NFIL3: variants seen among roughly 807,000 people sequenced by gnomAD.
The protein encoded by NFIL3 is nuclear factor interleukin-3-regulated protein.
Under a neutral mutation model 10.0 loss-of-function variants are expected in NFIL3, and 5 were observed. The observed-to-expected ratio is 0.50, with a 90% CI of 0.26 to 1.06. The LOEUF is 1.06. Among genes scored for constraint, NFIL3 ranks in the 50% least tolerant of loss-of-function variants. The pLI, the probability that NFIL3 is intolerant of heterozygous loss-of-function variation, is 0.13. For synonymous variants in NFIL3, 202 were observed against 206.5 expected, an observed-to-expected ratio of 0.98 and a Z score of 0.19; for missense variants, 436 against 547.6, an observed-to-expected ratio of 0.80 and a Z score of 2.03.
chr9:91,429,543 A>T, the NFIL3 span, among the ~76,000 whole-genome samples: 1 of 152,086 alleles, frequency 6.6e-6, no homozygotes, highest in African/African-American at 2.4e-5. Context: ...CACTCCAGAG[A>T]CAAAAGTTGT....
chr9:91,412,438 A>G (rs1833571347), intron 1 of NFIL3, among the ~76,000 whole-genome samples: 2 of 152,150 alleles, frequency 1.3e-5, no homozygotes, highest in Non-Finnish European at 2.9e-5. Flanking sequence ...GTTTCTAGAC[A>G]CTGATTCTCT....
the NFIL3 span, among the ~76,000 whole-genome samples, chr9:91,479,786 G>A: frequency 6.6e-6 from 1 of 152,246 alleles, no homozygotes; most frequent in Non-Finnish European, 1.5e-5. Flanking sequence ...AGTGGCGTAG[G>A]CACCCAAGGG....
intron 1 of NFIL3, among the ~76,000 whole-genome samples, chr9:91,419,869 AG>A (rs1448575286): frequency 1.3e-5 from 2 of 152,220 alleles, no homozygotes; most frequent in Non-Finnish European, 2.9e-5. Flanking sequence ...TTTGGTCAAA[AG>A]GGTCAAATAT....
chr9:91,415,153 C>T (rs548434792), intron 1 of NFIL3, among the ~76,000 whole-genome samples: 2 of 152,166 alleles, frequency 1.3e-5, no homozygotes, highest in Admixed American at 6.5e-5. Context: ...CGAGACCAGG[C>T]GCTCAGTCGT....
At chr9:91,453,947 A>G in the NFIL3 span, among the ~76,000 whole-genome samples, 1 of 152,004 alleles carries the variant, frequency 6.6e-6, no homozygotes, top group South Asian at 2.1e-4. Context: ...GAACATCACA[A>G]CTAAGGTCAG....
the NFIL3 span, among the ~76,000 whole-genome samples, chr9:91,466,988 A>G: frequency 6.6e-6 from 1 of 152,154 alleles, no homozygotes; most frequent in African/African-American, 2.4e-5. Context: ...AAAAAGAATG[A>G]TTCCCCCAAT....
upstream of NFIL3, among the ~76,000 whole-genome samples, chr9:91,424,967 C>T (rs1006130148): frequency 6.6e-6 from 1 of 152,228 alleles, no homozygotes; most frequent in African/African-American, 2.4e-5. Flanking sequence ...AGTCGTCGCG[C>T]TAGACTGTCA....
the NFIL3 span, among the ~76,000 whole-genome samples, chr9:91,441,444 A>AT: frequency 6.6e-6 from 1 of 152,008 alleles, no homozygotes. Flanking sequence ...GTTGGATCTT[A>AT]TTTTTTTAAT....
the NFIL3 span, among the ~76,000 whole-genome samples, chr9:91,434,507 CA>C: frequency 6.6e-6 from 1 of 151,762 alleles, no homozygotes; most frequent in South Asian, 2.1e-4. Flanking sequence ...AGTACAAAAC[CA>C]AAATATGGGA....
At chr9:91,440,684 A>G in the NFIL3 span, among the ~76,000 whole-genome samples, 1 of 152,012 alleles carries the variant, frequency 6.6e-6, no homozygotes, top group Non-Finnish European at 1.5e-5. Context: ...TGCATCCCAT[A>G]GGTTTTAGTA....
chr9:91,460,690 G>A, the NFIL3 span, among the ~76,000 whole-genome samples: 1 of 152,090 alleles, frequency 6.6e-6, no homozygotes, highest in Non-Finnish European at 1.5e-5. Flanking sequence ...GTTTTCCCTG[G>A]GGGAGTTCTG....
chr9:91,437,800 C>A, the NFIL3 span, among the ~76,000 whole-genome samples: 1 of 152,236 alleles, frequency 6.6e-6, no homozygotes, highest in Non-Finnish European at 1.5e-5. Context: ...TTAGCACAAA[C>A]TTCCAGGTTT....
At chr9:91,480,954 G>A in the NFIL3 span, among the ~76,000 whole-genome samples, 21 of 152,304 alleles carry the variant, frequency 1.4e-4, 1 homozygote, top group East Asian at 3.9e-4. Context: ...AGGGAAGGGC[G>A]CGCAGAGGGT....
At chr9:91,452,245 T>A in the NFIL3 span, among the ~76,000 whole-genome samples, 1 of 152,232 alleles carries the variant, frequency 6.6e-6, no homozygotes, top group Non-Finnish European at 1.5e-5. Flanking sequence ...GGAAGCTTCA[T>A]CTGCATAATA....
At chr9:91,454,250 AG>A in the NFIL3 span, among the ~76,000 whole-genome samples, 2 of 151,270 alleles carry the variant, frequency 1.3e-5, no homozygotes, top group African/African-American at 4.9e-5. Flanking sequence ...AAAAAAAAAA[AG>A]AATATCACAA....
the NFIL3 span, among the ~76,000 whole-genome samples, chr9:91,442,555 G>A: frequency 6.6e-6 from 1 of 152,182 alleles, no homozygotes; most frequent in Non-Finnish European, 1.5e-5. Context: ...AGAGTGGTGA[G>A]GGGTGTGTGG....
At chr9:91,434,059 T>C in the NFIL3 span, among the ~76,000 whole-genome samples, 7,985 of 152,230 alleles carry the variant, frequency 0.052, 285 homozygotes, top group Middle Eastern at 0.14. Context: ...TACCCCCAAA[T>C]TAACCAATGA....
chr9:91,453,768 A>C, the NFIL3 span, among the ~76,000 whole-genome samples: 1 of 152,126 alleles, frequency 6.6e-6, no homozygotes, highest in African/African-American at 2.4e-5. Context: ...TGATAGAATT[A>C]AAACATTAAA....
the NFIL3 span, among the ~76,000 whole-genome samples, chr9:91,467,783 G>A: frequency 2.6e-5 from 4 of 151,796 alleles, no homozygotes; most frequent in East Asian, 1.9e-4. Flanking sequence ...GAGAACATGC[G>A]GTGTTTGGTT....
Sources: allele counts gnomAD v4.1 joint callset (sites outside exome capture counted in the v4.1 genomes callset), GRCh38; gene constraint gnomAD v4.1.1; transcripts MANE v1.5; gene names NCBI Gene and HGNC (gene_info 2026-07-23, HGNC 2026-07-21).